The following AMPD3 variants were observed in gnomAD, a reference collection of about 807,000 sequenced individuals.
AMPD3 encodes the protein adenosine monophosphate deaminase 3.
Under a neutral mutation model 82.3 loss-of-function variants are expected in AMPD3, and 57 were observed. The ratio of observed to expected loss-of-function variants is 0.69; its 90% CI spans 0.56 to 0.86. The LOEUF is 0.86. Ranked by LOEUF, AMPD3 falls within the 40% of genes least tolerant of loss-of-function variation. The pLI is 0.00. For synonymous variants in AMPD3, 381 were observed against 394.7 expected (o/e 0.97, Z 0.41); for missense variants, 870 against 1,003.8 (o/e 0.87, Z 1.80).
chr11:10,482,305 A>G lies in AMPD3; in HGVS notation c.589+80A>G, dbSNP rs550868149. 26 of 1,474,962 alleles carry G rather than the reference A, an allele frequency of 1.8e-5. 1 individual carries two copies. The highest frequency in any genetic ancestry group is 9.8e-5 in the African/African-American group (7 of 71,100). 91.4% of individuals were successfully genotyped at this position (1,474,962 alleles called of 1,614,324 possible). On this transcript the variant is annotated intron_variant, in intron 4 of 14. Coordinates refer to ENST00000396553, the MANE Select transcript of AMPD3 (RefSeq NM_001025389.2). Reference sequence around the variant, plus strand: ...TCAGGGCTTTTTTCTGGCTCGGTCTATTTCCCCTGATAGTATTTTAAAATG... The same window carrying G: ...TCAGGGCTTTTTTCTGGCTCGGTCTGTTTCCCCTGATAGTATTTTAAAATG...
intron 2 of AMPD3, among the ~76,000 whole-genome samples, chr11:10,476,421 G>A (rs1848736484): frequency 6.6e-6 from 1 of 152,036 alleles, no homozygotes; most frequent in South Asian, 2.1e-4. Flanking sequence ...GACAAGCCTG[G>A]TAGGCTGTTG....
In AMPD3 at chr11:10,500,196, C is replaced by T; in HGVS notation, c.1668C>T (p.Ser556=). 1 of 1,614,238 alleles carries T rather than the reference C, an allele frequency of 6.2e-7. No homozygotes were observed. Among genetic ancestry groups the T allele is most frequent in the Non-Finnish European group, 8.5e-7 (1 of 1,180,026 alleles). Residue 556 remains serine (S), a synonymous_variant, in exon 11 of 15, where the codon AGC becomes AGT. Coordinates refer to ENST00000396553, the MANE Select transcript of AMPD3 (RefSeq NM_001025389.2). ...CCAGTGAGCAGAACCCACCCTACAG[C>T]TACTACCTGTACTACATGTATGCCA... The part of the protein sequence containing the change: ...VWTSEQNPPY[S]YYLYYMYANI...
At chr11:10,453,709 C>T (rs1373809449), upstream of AMPD3, among the ~76,000 whole-genome samples, 1 of 152,078 alleles carries the variant, frequency 6.6e-6, no homozygotes, top group African/African-American at 2.4e-5. Context: ...CTGCCTCAGC[C>T]TCTCAAGTAG....
chr11:10,478,661 G>T lies in AMPD3; in HGVS notation c.357G>T (p.Leu119=), dbSNP rs372907597. The T allele has an allele frequency of 6.2e-7, 1 of 1,614,058 alleles. No homozygotes were observed. The highest frequency in any genetic ancestry group is 8.5e-7 in the Non-Finnish European group (1 of 1,180,038). The stretch of plus-strand genomic sequence containing the variant: ...CTGTGGTCACTGGAGCCACTTCCCT[G>T]CCCACGCCAGCACCCTATGCCATGC... The part of the protein sequence containing the change: ...TTPVVTGATS[L]PTPAPYAMPE... Residue 119 remains leucine, a synonymous_variant, in exon 3 of 15, where the codon CTG becomes CTT. Coordinates refer to ENST00000396553, the MANE Select transcript of AMPD3 (RefSeq NM_001025389.2).
chr11:10,497,057 G>GACCCCT (rs1849425756), intron 10 of AMPD3, 119 bp downstream of exon 10: 2 of 1,332,328 alleles, frequency 1.5e-6, no homozygotes, highest in Non-Finnish European at 2.1e-6. Flanking sequence ...CCTGCCACCT[G>GACCCCT]TGTTCCAGGC....
In AMPD3 at chr11:10,483,477, A is replaced by G. The variant is rs544371439; in HGVS notation, c.589+1252A>G. 2.6e-5 allele frequency among the ~76,000 whole-genome samples: 4 copies of G among 152,274 alleles called. No homozygotes were observed. The East Asian group carries it at 7.7e-4, about 29-fold the overall frequency. On this transcript the variant is annotated intron_variant, in intron 4 of 14. Coordinates refer to ENST00000396553, the MANE Select transcript of AMPD3 (RefSeq NM_001025389.2). ...CCCTTTGGGCCTATTTCCCTATCTGAGGGAAGTGGGTCCTACCACCCCAGT... is the reference window on the plus strand; with the variant it reads ...CCCTTTGGGCCTATTTCCCTATCTGGGGGAAGTGGGTCCTACCACCCCAGT...
At chr11:10,464,972 C>T (rs1848378013) in intron 2 of AMPD3, among the ~76,000 whole-genome samples, 1 of 152,158 alleles carries the variant, frequency 6.6e-6, no homozygotes, top group Non-Finnish European at 1.5e-5. Flanking sequence ...TGGGGTCAGA[C>T]CTATTGGGTT....
chr11:10,476,271 G>A (rs921350576), intron 2 of AMPD3, among the ~76,000 whole-genome samples: 8 of 152,132 alleles, frequency 5.3e-5, no homozygotes, highest in African/African-American at 1.7e-4. Context: ...CTCCTGGCCC[G>A]CAGATGCTCA....
At chr11:10,486,724 A>G (rs187562059) in intron 5 of AMPD3, 1 of 985,392 alleles carries the variant, frequency 1.0e-6, no homozygotes, top group East Asian at 1.1e-4. Context: ...GTCATGCCTT[A>G]TAGTTTGACT....
intron 4 of AMPD3, among the ~76,000 whole-genome samples, chr11:10,482,701 G>A (rs1848949846): frequency 6.7e-6 from 1 of 150,200 alleles, no homozygotes; most frequent in Non-Finnish European, 1.5e-5. Context: ...ATATTATTAT[G>A]TTTTGTAGAG....
rs1052576079 is a variant in AMPD3, at chr11:10,505,415, C to T, written c.2128-293C>T. On this transcript the variant is annotated intron_variant, in intron 14 of 14. Coordinates refer to ENST00000396553, the MANE Select transcript of AMPD3 (RefSeq NM_001025389.2). ...TAGAGTCTTACCTCCTTCCCCTTTG[C>T]CTTTCCCATCCCCAGCAGCTGCTGC... 1.7e-4 allele frequency: 170 copies of T among 984,880 alleles called. 1 individual carries two copies. The Admixed American group carries it at 3.1e-3, about 18-fold the overall frequency. 61.0% of individuals were successfully genotyped at this position (984,880 alleles called of 1,614,324 possible).
chr11:10,468,316 G>C (rs1484141765), intron 2 of AMPD3, among the ~76,000 whole-genome samples: 1 of 149,766 alleles, frequency 6.7e-6, no homozygotes, highest in Non-Finnish European at 1.5e-5. Context: ...TAAAGGGATG[G>C]AGGAATATTT....
chr11:10,493,726 G>C, intron 7 of AMPD3, 183 bp downstream of exon 7: 1 of 738,316 alleles, frequency 1.4e-6, no homozygotes, highest in East Asian at 2.7e-5. Context: ...ATGGGACAGG[G>C]AAAGAGGGTG....
In AMPD3 at chr11:10,456,523, A is replaced by G. The variant is rs1279964339; in HGVS notation, c.-6+1075A>G. The G allele has an allele frequency of 6.2e-7, 1 of 1,606,818 alleles. No individual in the cohort carries two copies. Among genetic ancestry groups the G allele is most frequent in the Non-Finnish European group, 8.5e-7 (1 of 1,176,546 alleles). ...CTGGAGGGACTGTGGCACCATGAAA[A>G]GTTACTGTTTGTTGAAACTGGCAGT... On this transcript the variant is annotated intron_variant, in intron 1 of 14. Coordinates refer to ENST00000396553, the MANE Select transcript of AMPD3 (RefSeq NM_001025389.2). The surrounding 1 kb of genome is among the most constrained non-coding windows in gnomAD (Gnocchi z 4.3).
intron 2 of AMPD3, among the ~76,000 whole-genome samples, chr11:10,470,187 C>A (rs969586251): frequency 1.4e-4 from 21 of 152,278 alleles, no homozygotes; most frequent in Non-Finnish European, 2.4e-4. Flanking sequence ...CGTAATCCAT[C>A]GCATAAACAG....
At chr11:10,498,263 G>A (rs1849477032) in intron 10 of AMPD3, 1 of 152,434 alleles carries the variant, frequency 6.6e-6, no homozygotes, top group Non-Finnish European at 1.5e-5. Context: ...GACTGAAGGA[G>A]GCACTGGGGG....
chr11:10,458,061 G>A (rs1454922898), intron 1 of AMPD3, among the ~76,000 whole-genome samples: 1 of 152,058 alleles, frequency 6.6e-6, no homozygotes, highest in Non-Finnish European at 1.5e-5. Flanking sequence ...GAAGGAGGTA[G>A]GAAGGTGCTG....
At chr11:10,483,700 C>A (rs567164171) in intron 4 of AMPD3, among the ~76,000 whole-genome samples, 7 of 152,360 alleles carry the variant, frequency 4.6e-5, no homozygotes, top group African/African-American at 1.7e-4. Context: ...TGTGGCCGTG[C>A]CTGATGGGGC....
At chr11:10,463,143 C>A (rs566121221) in intron 2 of AMPD3, among the ~76,000 whole-genome samples, 1 of 152,164 alleles carries the variant, frequency 6.6e-6, no homozygotes, top group Non-Finnish European at 1.5e-5. Flanking sequence ...CCCTCTCCGA[C>A]CTAGTCTGTG....
Sources: allele counts gnomAD v4.1 joint callset (sites outside exome capture counted in the v4.1 genomes callset), GRCh38; gene constraint gnomAD v4.1.1; non-coding constraint Gnocchi (gnomAD v3.1); transcripts MANE v1.5; gene names NCBI Gene and HGNC (gene_info 2026-07-23, HGNC 2026-07-21).